The following DLG5 variants were observed in gnomAD, a reference collection of about 807,000 sequenced individuals.
DLG5 encodes the protein disks large homolog 5.
Under a neutral mutation model 189.8 loss-of-function variants are expected in DLG5, and 48 were observed. The ratio of observed to expected loss-of-function variants is 0.25; its 90% CI spans 0.20 to 0.32. DLG5 has a LOEUF of 0.32. Among genes scored for constraint, DLG5 ranks in the 10% least tolerant of loss-of-function variants. DLG5 has a pLI of 1.00. For missense variants in DLG5, 2,160 were observed against 2,544.7 expected, an observed-to-expected ratio of 0.85 and a Z score of 3.25; for synonymous variants, 1,016 against 1,054.1, an observed-to-expected ratio of 0.96 and a Z score of 0.70.
chr10:77,885,316 A>G (rs1309829883), intron 1 of DLG5, among the ~76,000 whole-genome samples: 2 of 152,208 alleles, frequency 1.3e-5, no homozygotes, highest in Non-Finnish European at 2.9e-5. Flanking sequence ...CAAAATCTGG[A>G]CACACAATGC....
chr10:77,814,461 TTATATATATATATATATATATA>T lies in DLG5; in HGVS notation c.4025+2068_4026-2085del, dbSNP rs59297524. Among the ~76,000 whole-genome samples, 161 of 70,752 alleles carry T rather than the reference TTATATATATATATATATATATA, an allele frequency of 2.3e-3. 5 individuals carry two copies. Among genetic ancestry groups the T allele is most frequent in the African/African-American group, 4.2e-3 (110 of 26,346 alleles). The allele number at this position is 70,752 out of a possible 152,430, so 46.4% of individuals were successfully genotyped here. A position where few individuals can be genotyped will look rare whatever the true frequency, so the allele number is the denominator to read the frequency against. On this transcript the variant is annotated intron_variant, in intron 20 of 31. Coordinates refer to ENST00000372391, the MANE Select transcript of DLG5 (RefSeq NM_004747.4). ...TATGTACATAAATAATAAAGCATGT[TTATATATATATATATATATATA>T]TATATATATATATATATATATATCC...
At chr10:77,878,522 A>G (rs1845175873) in intron 1 of DLG5, among the ~76,000 whole-genome samples, 3 of 152,068 alleles carry the variant, frequency 2.0e-5, no homozygotes, top group African/African-American at 4.8e-5. Flanking sequence ...ACAGTCACGC[A>G]GCCTTCCCTT....
intron 20 of DLG5, among the ~76,000 whole-genome samples, chr10:77,815,101 C>T (rs2154575412): frequency 6.6e-6 from 1 of 152,188 alleles, no homozygotes; most frequent in African/African-American, 2.4e-5. Flanking sequence ...GAATGCTTGG[C>T]AGTGGGTGGC....
intron 5 of DLG5, among the ~76,000 whole-genome samples, chr10:77,852,131 G>A (rs894850565): frequency 6.6e-6 from 1 of 152,154 alleles, no homozygotes; most frequent in Non-Finnish European, 1.5e-5. Flanking sequence ...CCAGCACTTT[G>A]GGAGGCCAAG....
chr10:77,820,346 A>AG (rs1555548278), intron 15 of DLG5: 34,450 of 126,150 alleles, frequency 0.27, 4,372 homozygotes, highest in Non-Finnish European at 0.31. Flanking sequence ...ACTCCATCTT[A>AG]GGGGAAAAAA....
At chr10:77,922,722 G>A (rs530518627) in intron 1 of DLG5, among the ~76,000 whole-genome samples, 41 of 152,118 alleles carry the variant, frequency 2.7e-4, no homozygotes, top group Non-Finnish European at 5.3e-4. Flanking sequence ...CCCTGGGGCT[G>A]CCACAGAGTT....
At chr10:77,899,779 A>G (rs1262012804) in intron 1 of DLG5, among the ~76,000 whole-genome samples, 2 of 152,194 alleles carry the variant, frequency 1.3e-5, no homozygotes, top group African/African-American at 4.8e-5. Context: ...AGCCTTGGCA[A>G]GCCATCCCTG....
intron 17 of DLG5, among the ~76,000 whole-genome samples, chr10:77,818,100 C>T (rs879727977): frequency 3.9e-5 from 6 of 152,164 alleles, no homozygotes; most frequent in Non-Finnish European, 8.8e-5. Flanking sequence ...AAGGGCCACA[C>T]ACATGGGGCG....
intron 1 of DLG5, among the ~76,000 whole-genome samples, chr10:77,915,627 T>C (rs903974921): frequency 6.6e-5 from 10 of 152,196 alleles, no homozygotes; most frequent in Non-Finnish European, 1.3e-4. Flanking sequence ...CTGGATGCAT[T>C]TGACCACAGA....
chr10:77,811,316 G>A, intron 22 of DLG5, 82 bp from the exon 23 acceptor site: 6 of 1,521,730 alleles, frequency 3.9e-6, no homozygotes, highest in South Asian at 1.3e-5. Context: ...CTAGATCTGA[G>A]CTATAAATGG....
At chr10:77,900,583 T>C (rs1845895406) in intron 1 of DLG5, among the ~76,000 whole-genome samples, 1 of 151,982 alleles carries the variant, frequency 6.6e-6, no homozygotes, top group South Asian at 2.1e-4. Flanking sequence ...GTGGATCACT[T>C]GAGGTCAGGA....
chr10:77,906,554 T>C (rs761214743), intron 1 of DLG5, among the ~76,000 whole-genome samples: 206 of 150,914 alleles, frequency 1.4e-3, no homozygotes, highest in Non-Finnish European at 2.5e-3. Flanking sequence ...CTTCTCCCAC[T>C]GGCTGAGGCT....
At chr10:77,827,233 T>G (rs953627737) in intron 13 of DLG5, among the ~76,000 whole-genome samples, 1 of 152,170 alleles carries the variant, frequency 6.6e-6, no homozygotes, top group African/African-American at 2.4e-5. Context: ...TTTTTGTTTT[T>G]TATTTATTAG....
intron 13 of DLG5, 176 bp from the exon 14 acceptor site, chr10:77,824,652 G>A (rs916083279): frequency 3.5e-6 from 2 of 570,922 alleles, no homozygotes; most frequent in East Asian, 5.9e-5. Flanking sequence ...TCCAACTAAG[G>A]GGATTCTGAG....
Position 77,841,912 on chromosome 10 carries a change from G to A in DLG5, c.1406C>T (p.Ala469Val), listed in dbSNP as rs374686972. 121 of 1,610,722 alleles carry A rather than the reference G, an allele frequency of 7.5e-5. No homozygotes were observed. The highest frequency in any genetic ancestry group is 3.3e-4 in the Middle Eastern group (2 of 6,050). ...KLKSSTSEKK[A>V]ANEEMEALRQ... The stretch of plus-strand genomic sequence containing the variant: ...CAGCGCCTCCATCTCCTCATTGGCC[G>A]CCTTCTTCTCAGATGTGCTGCTCTT... The change falls in exon 7 of 32, where the codon GCG becomes GTG. Residue 469 changes from alanine to valine, a missense_variant. This residue lies in a region of DLG5 where 664 missense variants were observed against 838.5 expected (regional missense o/e 0.79). Transcript: ENST00000372391.
chr10:77,808,724 G>A (rs193080580), intron 24 of DLG5, among the ~76,000 whole-genome samples: 19 of 152,298 alleles, frequency 1.2e-4, no homozygotes, highest in Non-Finnish European at 2.2e-4. Context: ...CTGCCCTCAG[G>A]TTCCCTCAAT....
intron 5 of DLG5, among the ~76,000 whole-genome samples, chr10:77,850,180 A>G (rs995802413): frequency 2.6e-5 from 4 of 152,210 alleles, no homozygotes; most frequent in African/African-American, 9.6e-5. Context: ...TCACCCCAAA[A>G]AGAAACCAAT....
chr10:77,798,062 C>A (rs774433076), intron 27 of DLG5, among the ~76,000 whole-genome samples: 1 of 152,116 alleles, frequency 6.6e-6, no homozygotes, highest in Non-Finnish European at 1.5e-5. Context: ...TGGCGCACAC[C>A]TGTAATCCCA....
chr10:77,816,413 T>C (rs765530434), intron 20 of DLG5, 138 bp downstream of exon 20: 7 of 1,357,660 alleles, frequency 5.2e-6, no homozygotes, highest in Admixed American at 1.8e-5. Flanking sequence ...CACTTACTGG[T>C]GACACCAGCA....
Sources: allele counts gnomAD v4.1 joint callset (sites outside exome capture counted in the v4.1 genomes callset), GRCh38; gene constraint gnomAD v4.1.1; regional missense constraint gnomAD v4.1.1; transcripts MANE v1.5; gene names NCBI Gene and HGNC (gene_info 2026-07-23, HGNC 2026-07-21).